The following BEGAIN variants were observed in gnomAD, a reference collection of about 807,000 sequenced individuals.
BEGAIN encodes the protein brain enriched guanylate kinase associated.
In BEGAIN, 19 loss-of-function variants were observed where a neutral mutation model predicts 35.8. The observed-to-expected ratio is 0.53, with a 90% CI of 0.37 to 0.78. The LOEUF is 0.78. BEGAIN is among the 30% of genes least tolerant of loss of function. The pLI is 0.00. For synonymous variants in BEGAIN, 462 were observed against 388.6 expected (o/e 1.19, Z -2.22); for missense variants, 795 against 853.6 (o/e 0.93, Z 0.85).
intron 2 of BEGAIN, among the ~76,000 whole-genome samples, chr14:100,553,595 C>T (rs942113547): frequency 6.6e-6 from 1 of 152,158 alleles, no homozygotes; most frequent in Non-Finnish European, 1.5e-5. Flanking sequence ...ATGCTGTCCT[C>T]TCCCCTGGAC....
intron 1 of BEGAIN, among the ~76,000 whole-genome samples, chr14:100,574,597 G>T (rs2035163679): frequency 6.8e-6 from 1 of 146,028 alleles, no homozygotes; most frequent in Non-Finnish European, 1.5e-5. Flanking sequence ...CCGTATTTTT[G>T]GCTTCTACTG....
At chr14:100,579,975 G>A (rs1432886808) in intron 1 of BEGAIN, among the ~76,000 whole-genome samples, 2 of 152,132 alleles carry the variant, frequency 1.3e-5, no homozygotes, top group Admixed American at 6.6e-5. Flanking sequence ...ATCCAGCCCG[G>A]CCTATCCCAC....
chr14:100,575,083 G>GGCAGGACAGC (rs2035174001), intron 1 of BEGAIN, among the ~76,000 whole-genome samples: 1 of 152,182 alleles, frequency 6.6e-6, no homozygotes, highest in Non-Finnish European at 1.5e-5. Flanking sequence ...CACTCAGCCA[G>GGCAGGACAGC]GCAGGACAGC....
chr14:100,546,406 C>CG (rs2032431085), intron 3 of BEGAIN, 95 bp downstream of exon 3: 5 of 58,164 alleles, frequency 8.6e-5, no homozygotes, highest in African/African-American at 5.4e-4. Flanking sequence ...GCCCTCGCCC[C>CG]GCCCCGGCCC....
intron 2 of BEGAIN, among the ~76,000 whole-genome samples, chr14:100,556,175 C>T (rs2033705000): frequency 6.6e-6 from 1 of 152,070 alleles, no homozygotes; most frequent in South Asian, 2.1e-4. Context: ...CCCCTGCCCT[C>T]CCCTCCCCCT....
At chr14:100,541,335 A>G (rs2031579599) in intron 5 of BEGAIN, among the ~76,000 whole-genome samples, 1 of 152,190 alleles carries the variant, frequency 6.6e-6, no homozygotes, top group African/African-American at 2.4e-5. Context: ...GACCCACCTG[A>G]GCTGCCCCAT....
chr14:100,554,042 C>T (rs955511291), intron 2 of BEGAIN, among the ~76,000 whole-genome samples: 5 of 152,354 alleles, frequency 3.3e-5, no homozygotes, highest in Admixed American at 6.5e-5. Flanking sequence ...GGGGGGCCAC[C>T]GGGCCCATGC....
At chr14:100,576,084 T>G (rs2035195508) in intron 1 of BEGAIN, among the ~76,000 whole-genome samples, 1 of 152,048 alleles carries the variant, frequency 6.6e-6, no homozygotes, top group Non-Finnish European at 1.5e-5. Context: ...TGAGGCATGA[T>G]GAGGATGGGT....
Position 100,568,289 on chromosome 14 carries a change from C to T in BEGAIN, c.43-350G>A. 1.4e-6 allele frequency: 1 copy of T among 728,574 alleles called. No individual in the cohort carries two copies. Among genetic ancestry groups the T allele is most frequent in the Non-Finnish European group, 2.0e-6 (1 of 505,938 alleles). The allele number at this position is 728,574 out of a possible 1,614,324, so 45.1% of individuals were successfully genotyped here. ...CGGCCTGTCCCCGTTAACTCTCCGG[C>T]GGCCGCGGCCCCGCTGCTCCCCCCG... is the stretch of plus-strand genomic sequence containing the variant. On this transcript the variant is annotated intron_variant, in intron 1 of 6. Transcript: ENST00000554140. The surrounding 1 kb of genome is among the most constrained non-coding windows in gnomAD (Gnocchi z 7.5).
rs1566961583 is a variant in BEGAIN, at chr14:100,542,335, C to T, written c.408+1523G>A. ...CAAGTGGTTGTTGGGCCACCATACTCGCCTGGTGTCCCCCAGCCTACTGGC... is the reference window on the plus strand; with the variant it reads ...CAAGTGGTTGTTGGGCCACCATACTTGCCTGGTGTCCCCCAGCCTACTGGC... On this transcript the variant is annotated intron_variant, in intron 5 of 6. Transcript: ENST00000554140. Among the ~76,000 whole-genome samples, 6 of 152,266 alleles carry T rather than the reference C, an allele frequency of 3.9e-5. No individual in the cohort carries two copies. In the South Asian group the frequency reaches 6.2e-4, roughly 16 times the overall value.
In BEGAIN at chr14:100,554,883, C is replaced by T. The variant is rs534656141; in HGVS notation, c.72-8221G>A. Among the ~76,000 whole-genome samples, 533 of 152,358 alleles carry T rather than the reference C, an allele frequency of 3.5e-3. 2 individuals carry two copies. The highest frequency in any genetic ancestry group is 0.012 in the African/African-American group (513 of 41,588). On this transcript the variant is annotated intron_variant, in intron 2 of 6. Coordinates refer to ENST00000554140, the MANE Select transcript of BEGAIN (RefSeq NM_001385089.1). ...GCCCCAGCCTCGCCATTCCTGGCCC[C>T]CCCCACCTTCCCGCCAGGCACGCTG...
At chr14:100,552,045 G>C (rs1454545395) in intron 2 of BEGAIN, among the ~76,000 whole-genome samples, 1 of 152,242 alleles carries the variant, frequency 6.6e-6, no homozygotes, top group African/African-American at 2.4e-5. Flanking sequence ...GCCCGACCAA[G>C]GCCAGCGATT....
At chr14:100,570,029 G>C (rs1000160873) in intron 1 of BEGAIN, among the ~76,000 whole-genome samples, 2 of 152,150 alleles carry the variant, frequency 1.3e-5, no homozygotes, top group Non-Finnish European at 1.5e-5. Context: ...GAAGAGGCTT[G>C]CTGGAGATCC....
At position 100,537,858 on chromosome 14, in the gene BEGAIN, G is replaced by A; in HGVS notation, c.*111C>T. 7.0e-7 allele frequency: 1 copy of A among 1,424,232 alleles called. No individual in the cohort carries two copies. The highest frequency in any genetic ancestry group is 2.6e-5 in the East Asian group (1 of 37,834). 88.2% of individuals were successfully genotyped at this position (1,424,232 alleles called of 1,614,324 possible). On this transcript the variant is annotated 3_prime_UTR_variant, in exon 7 of 7. Transcript: ENST00000554140. ...AGGTGCGGGGAGGAACAGACTCCTC[G>A]TTGTTGGCCGGGGCAGGGGAACAGC...
rs2035118089 is a variant in BEGAIN, at chr14:100,573,005, A to G, written c.43-5066T>C. Among the ~76,000 whole-genome samples the G allele has an allele frequency of 6.6e-6, 1 of 151,988 alleles. No individual in the cohort carries two copies. The highest frequency in any genetic ancestry group is 1.5e-5 in the Non-Finnish European group (1 of 68,018). On this transcript the variant is annotated intron_variant, in intron 1 of 6. Coordinates refer to ENST00000554140, the MANE Select transcript of BEGAIN (RefSeq NM_001385089.1). The surrounding 1 kb of genome is among the most constrained non-coding windows in gnomAD (Gnocchi z 4.2). ...GAAGACAGACCCCAAGAGATGAATC[A>G]GTACACCACCCCTCCCACCCTGTAT...
chr14:100,581,029 T>C (rs2035306037), intron 1 of BEGAIN, among the ~76,000 whole-genome samples: 2 of 151,814 alleles, frequency 1.3e-5, no homozygotes, highest in Non-Finnish European at 2.9e-5. Context: ...GCCCCTGCCC[T>C]ATTACCAGTG....
At chr14:100,583,624 CTCTT>C (rs2035367339) in intron 1 of BEGAIN, among the ~76,000 whole-genome samples, 1 of 150,160 alleles carries the variant, frequency 6.7e-6, no homozygotes, top group Admixed American at 6.6e-5. Flanking sequence ...CCATCTATCC[CTCTT>C]TCTCTCTTTC....
At chr14:100,544,508 C>T (rs569427370) in intron 4 of BEGAIN, among the ~76,000 whole-genome samples, 2 of 152,378 alleles carry the variant, frequency 1.3e-5, no homozygotes, top group African/African-American at 2.4e-5. Context: ...GAAACCCACA[C>T]CCTGCCCCTC....
At position 100,558,148 on chromosome 14, in the gene BEGAIN, C is replaced by A. The variant is rs1027012090; in HGVS notation, c.71+9763G>T. 6.6e-6 allele frequency among the ~76,000 whole-genome samples: 1 copy of A among 152,056 alleles called. No individual in the cohort carries two copies. Among genetic ancestry groups the A allele is most frequent in the African/African-American group, 2.4e-5 (1 of 41,402 alleles). ...TTGCTCTTCCCATATTGAGAACAACCCTCTCTTCACCCTCCAGGTACAGTC... is the reference window on the plus strand; with the variant it reads ...TTGCTCTTCCCATATTGAGAACAACACTCTCTTCACCCTCCAGGTACAGTC... On this transcript the variant is annotated intron_variant, in intron 2 of 6. Coordinates refer to ENST00000554140, the MANE Select transcript of BEGAIN (RefSeq NM_001385089.1). The surrounding 1 kb of genome is among the most constrained non-coding windows in gnomAD (Gnocchi z 4.6).
Sources: gnomAD v4.1 joint callset for allele counts (sites outside exome capture counted in the v4.1 genomes callset) on GRCh38, gnomAD v4.1.1 for gene constraint, Gnocchi (gnomAD v3.1) non-coding constraint, MANE v1.5 for transcripts, NCBI Gene and HGNC (gene_info 2026-07-23, HGNC 2026-07-21) for gene names.